STARD8: variants seen among roughly 807,000 people sequenced by gnomAD.
STARD8 encodes the protein stAR-related lipid transfer protein 8.
A neutral mutation model predicts 69.4 loss-of-function variants in STARD8; 25 were observed. That is an observed-to-expected ratio of 0.36 (90% confidence interval 0.26 to 0.50). The LOEUF (loss-of-function observed/expected upper bound fraction) is 0.50. Among genes scored for constraint, STARD8 ranks in the 20% least tolerant of loss-of-function variants. The pLI is 0.96. For missense variants in STARD8, 921 were observed against 932.5 expected (o/e 0.99, Z 0.16); for synonymous variants, 389 against 374.6 (o/e 1.04, Z -0.45).
At chrX:68,668,397 A>T (rs1161835083) in intron 2 of STARD8, among the ~76,000 whole-genome samples, 1 of 103,406 alleles carries the variant, frequency 9.7e-6, no homozygotes, top group Non-Finnish European at 2.0e-5. Flanking sequence ...AGCATAGCTC[A>T]CTGCGGCCTT....
intron 2 of STARD8, among the ~76,000 whole-genome samples, chrX:68,668,477 T>C (rs773359197): frequency 2.8e-5 from 3 of 108,935 alleles, no homozygotes; most frequent in Non-Finnish European, 5.7e-5. Flanking sequence ...CAGGGGTGCA[T>C]CGCCACGCCC....
chrX:68,697,948 GGTCCTGCCACTGCTTGGTTAATC>G (rs1186703242), intron 2 of STARD8, among the ~76,000 whole-genome samples: 2 of 112,311 alleles, frequency 1.8e-5, no homozygotes, highest in Non-Finnish European at 3.8e-5. Flanking sequence ...ACAAGCCTGG[GGTCCTGCCACTGCTTGGTTAATC>G]ATTGAGCCAC....
At chrX:68,722,332 C>A in intron 11 of STARD8, 90 bp from the exon 12 acceptor site, 1 of 914,073 alleles carries the variant, frequency 1.1e-6, no homozygotes, top group Non-Finnish European at 1.5e-6. Context: ...GGTAGCTGCA[C>A]CTCTCCACTG....
At chrX:68,657,295 T>G (rs180745680) in intron 1 of STARD8, among the ~76,000 whole-genome samples, 284 of 111,796 alleles carry the variant, frequency 2.5e-3, no homozygotes, top group African/African-American at 6.7e-3. Flanking sequence ...TGTGTGTGTG[T>G]GGGGGAGTTT....
At chrX:68,722,003 G>C (rs1346714050) in intron 10 of STARD8, 44 bp from the exon 11 acceptor site, 1 of 1,110,587 alleles carries the variant, frequency 9.0e-7, no homozygotes, top group Non-Finnish European at 1.2e-6. Context: ...CTTGTCTTGT[G>C]CTCTTGTGCC....
chrX:68,721,654 G>A lies in STARD8; in HGVS notation c.2367G>A (p.Glu789=). ...LYFLSDIASA[E]ENQMTAGNLA... ...TCTTAAGTGACATTGCCTCTGCCGA[G>A]GAAAACCAGATGACAGCAGGCAACC... Residue 789 remains glutamate, a synonymous_variant, in exon 10 of 15, where the codon GAG becomes GAA. Coordinates refer to ENST00000374599, the MANE Select transcript of STARD8 (RefSeq NM_001142503.3). 8.2e-7 allele frequency: 1 copy of A among 1,212,298 alleles called. No homozygotes were observed. The highest frequency in any genetic ancestry group is 1.8e-5 in the South Asian group (1 of 57,024).
intron 2 of STARD8, among the ~76,000 whole-genome samples, chrX:68,697,230 G>T (rs981314080): frequency 1.8e-5 from 2 of 112,184 alleles, no homozygotes; most frequent in African/African-American, 6.5e-5. Flanking sequence ...TTGTTGAGAA[G>T]GACTTATTTG....
At chrX:68,659,153 T>G (rs949378104) in intron 1 of STARD8, among the ~76,000 whole-genome samples, 2 of 112,185 alleles carry the variant, frequency 1.8e-5, no homozygotes, top group African/African-American at 6.5e-5. Flanking sequence ...CCCCACTTCA[T>G]AATTGATTGT....
Position 68,717,269 on chromosome X carries a change from C to A in STARD8, c.355C>A (p.Gln119Lys). 8.3e-7 allele frequency: 1 copy of A among 1,204,826 alleles called. No individual in the cohort carries two copies. Among genetic ancestry groups the A allele is most frequent in the Non-Finnish European group, 1.1e-6 (1 of 892,020 alleles). ...CATCAGTAGCCACTGGGCCTTCCAG[C>A]AGGAAAGTAAGTGCTGGTCTCCTAT... ...CTISSHWAFQ[Q>K]ESKCWSPMGS... The change falls in exon 6 of 15, where the codon CAG becomes AAG. Residue 119 changes from glutamine to lysine, a missense_variant. Gln to Lys is a moderately conservative substitution (Grantham distance 53). Transcript: ENST00000374599.
In STARD8 at chrX:68,720,352, C is replaced by T. The variant is rs201953116; in HGVS notation, c.1978C>T (p.Arg660Cys). ...FGVPPLIHVQ[R>C]TGQPLPQSIQ... Reference sequence around the variant, plus strand: ...GGTGCCACCCCTCATCCACGTGCAGCGCACGGGCCAGCCACTGCCACAGAG... The same window carrying T: ...GGTGCCACCCCTCATCCACGTGCAGTGCACGGGCCAGCCACTGCCACAGAG... The change falls in exon 8 of 15, where the codon CGC becomes TGC. Residue 660 changes from arginine (R) to cysteine (C), a missense_variant. Arg to Cys is a radical substitution (Grantham distance 180, BLOSUM62 -3). Coordinates refer to ENST00000374599, the MANE Select transcript of STARD8 (RefSeq NM_001142503.3). The T allele has an allele frequency of 6.7e-4, 809 of 1,200,619 alleles. 1 individual carries two copies. The highest frequency in any genetic ancestry group is 8.1e-4 in the Non-Finnish European group (718 of 890,232).
chrX:68,668,611 C>A (rs2147883684), intron 2 of STARD8, among the ~76,000 whole-genome samples: 1 of 111,207 alleles, frequency 9.0e-6, no homozygotes, highest in East Asian at 2.9e-4. Flanking sequence ...CACTTGGTAC[C>A]ACCTTATAGG....
intron 1 of STARD8, among the ~76,000 whole-genome samples, chrX:68,652,759 CCCCCACACACACA>C (rs1192017029): frequency 1.9e-5 from 1 of 53,786 alleles, no homozygotes; most frequent in African/African-American, 7.0e-5. Context: ...ACACCACACT[CCCCCACACACACA>C]CCCCACACAC....
chrX:68,668,650 A>C (rs1033358730), intron 2 of STARD8, among the ~76,000 whole-genome samples: 1 of 111,217 alleles, frequency 9.0e-6, no homozygotes, highest in African/African-American at 3.3e-5. Flanking sequence ...AACTGGCTTC[A>C]ACACATGTGG....
intron 2 of STARD8, among the ~76,000 whole-genome samples, chrX:68,668,117 C>A (rs1192886907): frequency 2.2e-5 from 2 of 90,466 alleles, no homozygotes; most frequent in Non-Finnish European, 4.4e-5. Flanking sequence ...TTCTTTCTGT[C>A]TTTCTTTCTT....
intron 2 of STARD8, among the ~76,000 whole-genome samples, chrX:68,702,010 G>T (rs1278425265): frequency 1.8e-5 from 2 of 111,445 alleles, no homozygotes; most frequent in African/African-American, 6.5e-5. Flanking sequence ...CTTCCCTCAG[G>T]CTGTACTAGC....
intron 1 of STARD8, among the ~76,000 whole-genome samples, chrX:68,657,393 CTG>C (rs1306124017): frequency 9.0e-6 from 1 of 111,687 alleles, no homozygotes; most frequent in East Asian, 2.8e-4. Flanking sequence ...GTGCCAGACA[CTG>C]TGTTAGGTCT....
At chrX:68,670,518 G>C (rs1398034646) in intron 2 of STARD8, among the ~76,000 whole-genome samples, 3 of 111,157 alleles carry the variant, frequency 2.7e-5, no homozygotes, top group African/African-American at 6.6e-5. Context: ...AAGAGTGCAA[G>C]ACAGAATTAG....
At chrX:68,648,707 A>G (rs1203070799) in intron 1 of STARD8, among the ~76,000 whole-genome samples, 1 of 112,472 alleles carries the variant, frequency 8.9e-6, no homozygotes, top group African/African-American at 3.2e-5. Flanking sequence ...TGTGCTAAAT[A>G]GTCAGTTTGT....
At chrX:68,683,637 A>T (rs911059348) in intron 2 of STARD8, among the ~76,000 whole-genome samples, 1 of 112,270 alleles carries the variant, frequency 8.9e-6, no homozygotes, top group Admixed American at 9.4e-5. Context: ...GAAAACAAGG[A>T]TGCATACTAG....
Sources: gnomAD v4.1 joint callset for allele counts (sites outside exome capture counted in the v4.1 genomes callset) on GRCh38, gnomAD v4.1.1 for gene constraint, MANE v1.5 for transcripts, NCBI Gene and HGNC (gene_info 2026-07-23, HGNC 2026-07-21) for gene names.